The following ZNF385D variants were observed in gnomAD, a reference collection of about 807,000 sequenced individuals.
ZNF385D encodes the protein zinc finger protein 385D, also known as zinc finger protein 659.
ZNF385D carries 15 observed loss-of-function variants against 35.8 expected under a neutral mutation model. The observed-to-expected ratio is 0.42, with a 90% CI of 0.28 to 0.64. The LOEUF (loss-of-function observed/expected upper bound fraction) is 0.64. Ranked by LOEUF, ZNF385D falls within the 30% of genes least tolerant of loss-of-function variation. ZNF385D has a pLI of 0.23. For synonymous variants in ZNF385D, 212 were observed against 186.8 expected (o/e 1.13, Z -1.10); for missense variants, 474 against 494.6 (o/e 0.96, Z 0.39).
intron 3 of ZNF385D, among the ~76,000 whole-genome samples, chr3:21,844,078 A>G (rs888213259): frequency 6.6e-6 from 1 of 151,980 alleles, no homozygotes; most frequent in Non-Finnish European, 1.5e-5. Context: ...TCTGGCAGAG[A>G]TGGGAGATTT....
At chr3:21,503,105 A>T (rs1706511025) in intron 4 of ZNF385D, among the ~76,000 whole-genome samples, 2 of 152,172 alleles carry the variant, frequency 1.3e-5, no homozygotes, top group Admixed American at 1.3e-4. Flanking sequence ...TGCCTCATAA[A>T]CTTCAACAGA....
At chr3:21,759,057 T>C (rs924900059) in intron 3 of ZNF385D, among the ~76,000 whole-genome samples, 2 of 148,066 alleles carry the variant, frequency 1.4e-5, no homozygotes, top group African/African-American at 5.0e-5. Flanking sequence ...TCAAGTTACT[T>C]ACCTCCCTGT....
rs1006668922 is a variant in ZNF385D, at chr3:21,725,875, CA to C, written c.22+25019del. Among the ~76,000 whole-genome samples, 243 of 151,670 alleles carry C rather than the reference CA, an allele frequency of 1.6e-3. 1 individual carries two copies. The highest frequency in any genetic ancestry group is 5.5e-3 in the African/African-American group (229 of 41,434). On this transcript the variant is annotated intron_variant, in intron 1 of 7. Coordinates refer to ENST00000281523, the MANE Select transcript of ZNF385D (RefSeq NM_024697.3). ...ACACCAAAACCCGGCAGAGACATAA[CA>C]AAAAAAATTTCAGGCCAATATCCCT...
chr3:21,457,685 C>T (rs1393917832), intron 4 of ZNF385D, among the ~76,000 whole-genome samples: 4 of 152,118 alleles, frequency 2.6e-5, no homozygotes, highest in African/African-American at 9.7e-5. Context: ...GAATTTATTA[C>T]ATGATTTCCA....
At chr3:21,943,611 T>A (rs1444048901) in intron 3 of ZNF385D, among the ~76,000 whole-genome samples, 2 of 152,030 alleles carry the variant, frequency 1.3e-5, no homozygotes, top group African/African-American at 4.8e-5. Context: ...TACTACTTTG[T>A]AAGGGAAATG....
At chr3:21,967,484 G>C (rs1450430488) in intron 3 of ZNF385D, among the ~76,000 whole-genome samples, 2 of 152,082 alleles carry the variant, frequency 1.3e-5, no homozygotes, top group Non-Finnish European at 2.9e-5. Flanking sequence ...TTAAACAATG[G>C]ATCTCAAATC....
chr3:21,935,294 C>A (rs34708854), intron 3 of ZNF385D, among the ~76,000 whole-genome samples: 28,200 of 152,070 alleles, frequency 0.19, 3,381 homozygotes, highest in East Asian at 0.4. Flanking sequence ...CAGATTCATT[C>A]GTTTTATGTA....
rs1267344768 is a variant in ZNF385D, at chr3:21,897,955, C to T, written c.326-232927G>A. ...GTTTTTAAAAAACTGAACCATCTAGCTTCCACCTTTATATCAACCAAAACT... is the reference window on the plus strand; with the variant it reads ...GTTTTTAAAAAACTGAACCATCTAGTTTCCACCTTTATATCAACCAAAACT... On this transcript the variant is annotated intron_variant, in intron 3 of 5. Transcript: ENST00000494108. 2.0e-5 allele frequency among the ~76,000 whole-genome samples: 3 copies of T among 152,114 alleles called. No homozygotes were observed. In the East Asian group the frequency reaches 5.8e-4, roughly 29 times the overall value.
chr3:21,601,503 C>T (rs930619791), intron 2 of ZNF385D, among the ~76,000 whole-genome samples: 8 of 152,118 alleles, frequency 5.3e-5, no homozygotes, highest in Non-Finnish European at 1.0e-4. Flanking sequence ...GGCACTGGAG[C>T]GTTAAGCATA....
chr3:22,194,703 T>C (rs935515970), intron 2 of ZNF385D, among the ~76,000 whole-genome samples: 4 of 151,942 alleles, frequency 2.6e-5, no homozygotes, highest in Non-Finnish European at 4.4e-5. Flanking sequence ...TAATCTGTTC[T>C]ATGTCATTCG....
chr3:22,285,289 G>C (rs1701967837), intron 2 of ZNF385D, among the ~76,000 whole-genome samples: 1 of 152,098 alleles, frequency 6.6e-6, no homozygotes, highest in Non-Finnish European at 1.5e-5. Flanking sequence ...ATTCCTTTCT[G>C]TCTTTAACTT....
intron 3 of ZNF385D, among the ~76,000 whole-genome samples, chr3:21,954,078 A>G (rs549759328): frequency 8.5e-5 from 13 of 152,110 alleles, no homozygotes; most frequent in South Asian, 6.2e-4. Context: ...TAATCACAGC[A>G]TAAGTGCTGC....
intron 4 of ZNF385D, among the ~76,000 whole-genome samples, chr3:21,509,335 C>T (rs774100308): frequency 2.0e-5 from 3 of 152,166 alleles, no homozygotes; most frequent in Non-Finnish European, 4.4e-5. Context: ...TTCTGCACTT[C>T]TCTATGCCAG....
chr3:22,078,107 G>C (rs749552929), intron 3 of ZNF385D, among the ~76,000 whole-genome samples: 16 of 151,958 alleles, frequency 1.1e-4, no homozygotes, highest in Non-Finnish European at 2.4e-4. Flanking sequence ...TCCTTCTCAT[G>C]AATGCTAAAA....
At chr3:22,214,175 C>A (rs1697704916) in intron 2 of ZNF385D, among the ~76,000 whole-genome samples, 1 of 152,010 alleles carries the variant, frequency 6.6e-6, no homozygotes, top group Non-Finnish European at 1.5e-5. Context: ...ATTTCTTATG[C>A]CTGTCTTTAC....
chr3:22,237,278 G>T (rs906012568), intron 2 of ZNF385D, among the ~76,000 whole-genome samples: 4 of 152,094 alleles, frequency 2.6e-5, no homozygotes, highest in Non-Finnish European at 5.9e-5. Context: ...AATTTTAAAT[G>T]AGTTGAGCAT....
At chr3:21,919,458 C>T (rs567011166) in intron 3 of ZNF385D, among the ~76,000 whole-genome samples, 52 of 152,198 alleles carry the variant, frequency 3.4e-4, no homozygotes, top group Middle Eastern at 3.4e-3. Context: ...ACTTAAGACC[C>T]GTGTATTTCA....
intron 2 of ZNF385D, among the ~76,000 whole-genome samples, chr3:21,625,922 G>T (rs543047057): frequency 6.6e-6 from 1 of 152,040 alleles, no homozygotes; most frequent in African/African-American, 2.4e-5. Flanking sequence ...CTCCTTTCAG[G>T]TTTCTTAAAG....
At chr3:21,635,229 G>A (rs2065393302) in intron 2 of ZNF385D, among the ~76,000 whole-genome samples, 1 of 152,058 alleles carries the variant, frequency 6.6e-6, no homozygotes, top group Non-Finnish European at 1.5e-5. Flanking sequence ...AGAATGAAAT[G>A]TGTTCCACAA....
Sources: allele counts gnomAD v4.1 joint callset (sites outside exome capture counted in the v4.1 genomes callset), GRCh38; gene constraint gnomAD v4.1.1; transcripts MANE v1.5; gene names NCBI Gene and HGNC (gene_info 2026-07-23, HGNC 2026-07-21).